Variants in STOM observed in about 807,000 individuals in gnomAD.
STOM encodes the protein erythrocyte band 7 integral membrane protein.
STOM carries 25 observed loss-of-function variants against 30.6 expected under a neutral mutation model. The ratio of observed to expected loss-of-function variants is 0.82; its 90% CI spans 0.60 to 1.14. The LOEUF is 1.14. STOM is among the 50% of genes most tolerant of loss of function. The probability of loss-of-function intolerance (pLI) is 0.00; values close to 1 mark genes in which losing one functional copy is unlikely to be tolerated. For synonymous variants in STOM, 118 were observed against 130.8 expected, an observed-to-expected ratio of 0.90 and a Z score of 0.67; for missense variants, 292 against 365.2, an observed-to-expected ratio of 0.80 and a Z score of 1.63.
At position 121,353,304 on chromosome 9, in the gene STOM, T is replaced by A; in HGVS notation, c.239-2A>T. On this transcript the variant is annotated splice_acceptor_variant, in intron 3 of 6. Transcript: ENST00000286713. LOFTEE classifies it high-confidence loss of function. ...TGCATGGCAGAATAAAAAACAAACC[T>A]GCAACAAAGATACACACATTATACA... 1 of 1,600,390 alleles carries A rather than the reference T, an allele frequency of 6.2e-7. No homozygotes were observed. The highest frequency in any genetic ancestry group is 8.5e-7 in the Non-Finnish European group (1 of 1,172,296).
chr9:121,340,816 G>C lies in STOM; in HGVS notation c.*386C>G. ...ATGACCTGGAGAAGCTGGTTGTGGT[G>C]TAAGGTCATCACTTTCTGCAAAGCA... On this transcript the variant is annotated 3_prime_UTR_variant, in exon 7 of 7. Coordinates refer to ENST00000286713, the MANE Select transcript of STOM (RefSeq NM_004099.6). 9.4e-7 allele frequency: 1 copy of C among 1,061,816 alleles called. No homozygotes were observed. Among genetic ancestry groups the C allele is most frequent in the South Asian group, 3.1e-5 (1 of 32,094 alleles). 65.8% of individuals were successfully genotyped at this position (1,061,816 alleles called of 1,614,324 possible).
chr9:121,348,846 G>T (rs749077000), intron 5 of STOM, among the ~76,000 whole-genome samples: 1 of 152,078 alleles, frequency 6.6e-6, no homozygotes, highest in Non-Finnish European at 1.5e-5. Context: ...TTGCAGAATA[G>T]CCTCTGTTCT....
At chr9:121,353,645 C>G (rs1361198382) in intron 3 of STOM, among the ~76,000 whole-genome samples, 2 of 152,150 alleles carry the variant, frequency 1.3e-5, no homozygotes, top group African/African-American at 2.4e-5. Context: ...AGCAATCCCC[C>G]CTAAAATACA....
At position 121,340,864 on chromosome 9, in the gene STOM, G is replaced by A. The variant is rs1185059974; in HGVS notation, c.*338C>T. The A allele has an allele frequency of 2.7e-6, 3 of 1,129,360 alleles. No individual in the cohort carries two copies. The highest frequency in any genetic ancestry group is 3.3e-6 in the Non-Finnish European group (3 of 915,790). The allele number at this position is 1,129,360 out of a possible 1,614,324, so 70.0% of individuals were successfully genotyped here. A position where few individuals can be genotyped will look rare whatever the true frequency, so the allele number is the denominator to read the frequency against. The stretch of plus-strand genomic sequence containing the variant: ...GCATTTAGCCAGTCAGCGGTGTCAG[G>A]TGGCAGTTACAGCCCAGGTTCTTGC... On this transcript the variant is annotated 3_prime_UTR_variant, in exon 7 of 7. Transcript: ENST00000286713.
In STOM at chr9:121,341,308, T is replaced by C; in HGVS notation, c.761A>G (p.Gln254Arg). ...CTCAGCAGCAATGGTGGTCAGTGTC[T>C]GCAGGTATCGGAGCTGAAGGGCTGC... is the stretch of plus-strand genomic sequence containing the variant. Reference protein sequence around the residue: ...SPAALQLRYLQTLTTIAAEKN... With the variant: ...SPAALQLRYLRTLTTIAAEKN... Residue 254 changes from glutamine (Q) to arginine (R), a missense_variant, in exon 7 of 7, where the codon CAG (glutamine) becomes CGG (arginine). Transcript: ENST00000286713. 1 of 1,614,206 alleles carries C rather than the reference T, an allele frequency of 6.2e-7. No individual in the cohort carries two copies. Among genetic ancestry groups the C allele is most frequent in the Non-Finnish European group, 8.5e-7 (1 of 1,180,034 alleles).
intron 1 of STOM, among the ~76,000 whole-genome samples, chr9:121,367,852 C>T (rs2134049389): frequency 6.6e-6 from 1 of 152,342 alleles, no homozygotes; most frequent in South Asian, 2.1e-4. Flanking sequence ...CAAGGTTCTA[C>T]ATTTTGGTAT....
intron 1 of STOM, among the ~76,000 whole-genome samples, chr9:121,357,975 A>G: frequency 6.6e-6 from 1 of 151,850 alleles, no homozygotes; most frequent in Non-Finnish European, 1.5e-5. Flanking sequence ...TGCTATTTTG[A>G]CCATTTTGAT....
intron 1 of STOM, among the ~76,000 whole-genome samples, chr9:121,363,777 A>G (rs1193162723): frequency 6.6e-6 from 1 of 152,230 alleles, no homozygotes; most frequent in Non-Finnish European, 1.5e-5. Flanking sequence ...TTATTTGAGG[A>G]GGAAGACTTG....
intron 1 of STOM, among the ~76,000 whole-genome samples, chr9:121,358,014 C>A (rs933422396): frequency 6.6e-6 from 1 of 151,874 alleles, no homozygotes; most frequent in African/African-American, 2.4e-5. Context: ...AAATAATACG[C>A]TTTGCAGCTG....
At chr9:121,360,408 C>G (rs552992772) in intron 1 of STOM, among the ~76,000 whole-genome samples, 1 of 152,006 alleles carries the variant, frequency 6.6e-6, no homozygotes, top group Admixed American at 6.6e-5. Flanking sequence ...TCCCTGAGAA[C>G]GAGGAGTAAC....
intron 4 of STOM, among the ~76,000 whole-genome samples, chr9:121,349,978 G>C (rs1448897290): frequency 6.6e-6 from 1 of 152,208 alleles, no homozygotes; most frequent in African/African-American, 2.4e-5. Context: ...CATTTGTAAA[G>C]TAGAGATTAA....
At chr9:121,347,396 G>C (rs1462403902) in intron 6 of STOM, among the ~76,000 whole-genome samples, 1 of 152,148 alleles carries the variant, frequency 6.6e-6, no homozygotes, top group Non-Finnish European at 1.5e-5. Context: ...TGCCACCCAT[G>C]CAGGGTTAAG....
chr9:121,361,427 C>T (rs2900191), intron 1 of STOM, among the ~76,000 whole-genome samples: 15,931 of 137,428 alleles, frequency 0.12, 1,108 homozygotes, highest in Middle Eastern at 0.18. Context: ...CTCACTCTGT[C>T]GCCCAGGCTG....
At chr9:121,351,539 C>T (rs1458700390) in intron 4 of STOM, among the ~76,000 whole-genome samples, 1 of 152,220 alleles carries the variant, frequency 6.6e-6, no homozygotes, top group Non-Finnish European at 1.5e-5. Context: ...TTCTGTCCTT[C>T]CCCCTTCATG....
intron 6 of STOM, among the ~76,000 whole-genome samples, chr9:121,345,899 C>T (rs548008254): frequency 2.6e-5 from 4 of 152,278 alleles, no homozygotes; most frequent in African/African-American, 9.6e-5. Flanking sequence ...GCGGACGTCA[C>T]TTAACTTTTC....
At chr9:121,369,545 A>C (rs1236167159) in intron 1 of STOM, among the ~76,000 whole-genome samples, 5 of 152,184 alleles carry the variant, frequency 3.3e-5, no homozygotes, top group African/African-American at 1.2e-4. Context: ...AGTTCTCCAA[A>C]ACGCAGAGGA....
chr9:121,368,840 T>C (rs1019728739), intron 1 of STOM, among the ~76,000 whole-genome samples: 1 of 150,416 alleles, frequency 6.6e-6, no homozygotes, highest in Non-Finnish European at 1.5e-5. Flanking sequence ...CTTGGGAGGA[T>C]GAGGCAGGAG....
At chr9:121,358,587 A>T (rs1233852313) in intron 1 of STOM, among the ~76,000 whole-genome samples, 2 of 152,206 alleles carry the variant, frequency 1.3e-5, no homozygotes, top group Non-Finnish European at 2.9e-5. Flanking sequence ...CCCCCACCAC[A>T]TACTTATACC....
chr9:121,352,205 C>T (rs1243602119), intron 4 of STOM, among the ~76,000 whole-genome samples: 10 of 152,208 alleles, frequency 6.6e-5, no homozygotes, highest in Admixed American at 6.5e-5. Flanking sequence ...CTCCTTTATA[C>T]ATTAAATCCT....
Sources: allele counts gnomAD v4.1 joint callset (sites outside exome capture counted in the v4.1 genomes callset), GRCh38; gene constraint gnomAD v4.1.1; transcripts MANE v1.5; gene names NCBI Gene and HGNC (gene_info 2026-07-23, HGNC 2026-07-21).